Variants in SLC16A7 observed in about 807,000 individuals in gnomAD.
SLC16A7 encodes the protein solute carrier family 16 member 7.
In SLC16A7, 33 loss-of-function variants were observed where a neutral mutation model predicts 34.9. The ratio of observed to expected loss-of-function variants is 0.94; its 90% CI spans 0.72 to 1.26. SLC16A7 has a LOEUF of 1.26. Ranked by LOEUF, SLC16A7 falls within the 50% of genes most tolerant of loss-of-function variation. SLC16A7 has a pLI of 0.00. For synonymous variants in SLC16A7, 201 were observed against 206.6 expected (o/e 0.97, Z 0.23); for missense variants, 573 against 578.1 (o/e 0.99, Z 0.09).
At chr12:59,638,178 A>G (rs1219815721) in intron 1 of SLC16A7, among the ~76,000 whole-genome samples, 2 of 152,160 alleles carry the variant, frequency 1.3e-5, no homozygotes, top group African/African-American at 4.8e-5. Flanking sequence ...AATAGGCTGA[A>G]GGAGGAAAAC....
At chr12:59,637,167 C>T (rs1180369583) in intron 1 of SLC16A7, among the ~76,000 whole-genome samples, 2 of 152,074 alleles carry the variant, frequency 1.3e-5, no homozygotes, top group Non-Finnish European at 2.9e-5. Context: ...CCCTTCACTG[C>T]CCCTTTTGTG....
intron 3 of SLC16A7, among the ~76,000 whole-genome samples, chr12:59,728,080 G>T (rs1051646225): frequency 1.3e-5 from 2 of 152,172 alleles, no homozygotes; most frequent in African/African-American, 4.8e-5. Flanking sequence ...TGGAGAGGGT[G>T]CTATGAGTTG....
intron 3 of SLC16A7, among the ~76,000 whole-genome samples, chr12:59,753,894 A>G (rs1879928445): frequency 1.3e-5 from 2 of 152,220 alleles, no homozygotes; most frequent in Non-Finnish European, 2.9e-5. Flanking sequence ...ATCAGAAATT[A>G]TAACAACCTG....
chr12:59,621,831 C>T (rs189151020), intron 1 of SLC16A7, among the ~76,000 whole-genome samples: 12 of 151,660 alleles, frequency 7.9e-5, no homozygotes, highest in Admixed American at 5.9e-4. Flanking sequence ...CTGAGTAATA[C>T]TTATTCATGA....
In SLC16A7 at chr12:59,615,819, A is replaced by C. The variant is rs566596395; in HGVS notation, c.-130+19583A>C. ...TTCACTTTATTCATGAGAGATGTGA[A>C]TTTATCCTTACTAACTCCAAAGTGC... is the stretch of plus-strand genomic sequence containing the variant. On this transcript the variant is annotated intron_variant, in intron 1 of 5. Transcript: ENST00000547379. Among the ~76,000 whole-genome samples the C allele has an allele frequency of 7.9e-5, 12 of 152,312 alleles. No homozygotes were observed. In the South Asian group the frequency reaches 2.3e-3, roughly 29 times the overall value.
chr12:59,754,591 G>T (rs529034286), intron 3 of SLC16A7, among the ~76,000 whole-genome samples: 1 of 152,120 alleles, frequency 6.6e-6, no homozygotes, highest in Admixed American at 6.6e-5. Flanking sequence ...CCAATAACAG[G>T]CTCTGAAATT....
At chr12:59,613,952 G>A (rs368571378) in intron 1 of SLC16A7, among the ~76,000 whole-genome samples, 12 of 152,122 alleles carry the variant, frequency 7.9e-5, no homozygotes, top group African/African-American at 2.9e-4. Context: ...CAGTAACACT[G>A]TTAAAACCCT....
At chr12:59,692,099 T>C (rs1250873482) in intron 2 of SLC16A7, among the ~76,000 whole-genome samples, 1 of 152,008 alleles carries the variant, frequency 6.6e-6, no homozygotes, top group African/African-American at 2.4e-5. Flanking sequence ...CCATGCCTCT[T>C]CTAGCTTCTG....
chr12:59,678,913 G>A (rs1411200255), intron 2 of SLC16A7, among the ~76,000 whole-genome samples: 1 of 152,186 alleles, frequency 6.6e-6, no homozygotes, highest in Non-Finnish European at 1.5e-5. Flanking sequence ...AGCCCAGAGG[G>A]GCTGAGGTGA....
intron 3 of SLC16A7, among the ~76,000 whole-genome samples, chr12:59,728,951 G>C (rs915387532): frequency 6.6e-6 from 1 of 152,166 alleles, no homozygotes; most frequent in African/African-American, 2.4e-5. Context: ...GTCCTACCTA[G>C]ATACTTGTCT....
chr12:59,697,407 GTGTA>G (rs1229925730), intron 2 of SLC16A7, among the ~76,000 whole-genome samples: 4 of 152,146 alleles, frequency 2.6e-5, no homozygotes, highest in African/African-American at 9.6e-5. Flanking sequence ...GGGTGCACAT[GTGTA>G]TGTGAGTTTG....
intron 2 of SLC16A7, among the ~76,000 whole-genome samples, chr12:59,671,678 CTATA>C (rs368528646): frequency 4.9e-5 from 7 of 143,914 alleles, no homozygotes; most frequent in African/African-American, 1.0e-4. Flanking sequence ...CTCTCTCTCT[CTATA>C]TATATATATG....
At chr12:59,675,114 G>T (rs566698114) in intron 2 of SLC16A7, among the ~76,000 whole-genome samples, 146 of 152,306 alleles carry the variant, frequency 9.6e-4, no homozygotes, top group African/African-American at 3.4e-3. Flanking sequence ...TGATGACAAG[G>T]GTCCCAAGAC....
At chr12:59,647,015 T>C (rs531950577) in intron 1 of SLC16A7, among the ~76,000 whole-genome samples, 46 of 152,312 alleles carry the variant, frequency 3.0e-4, no homozygotes, top group African/African-American at 1.0e-3. Context: ...ATTAACATGC[T>C]TTTGATTTTA....
At chr12:59,631,156 T>G (rs746339752) in intron 1 of SLC16A7, among the ~76,000 whole-genome samples, 1 of 151,972 alleles carries the variant, frequency 6.6e-6, no homozygotes, top group African/African-American at 2.4e-5. Context: ...AGGTTCTTTC[T>G]CCAACTGTTA....
chr12:59,766,760 G>A (rs561511471), intron 3 of SLC16A7, among the ~76,000 whole-genome samples: 7,983 of 151,986 alleles, frequency 0.053, 671 homozygotes, highest in African/African-American at 0.18. Flanking sequence ...TTTTTGCATC[G>A]ATGTTCATCA....
At chr12:59,761,202 G>C (rs751121699) in intron 3 of SLC16A7, 6 of 1,232,014 alleles carry the variant, frequency 4.9e-6, no homozygotes, top group East Asian at 5.6e-5. Flanking sequence ...ATCATGCCTA[G>C]GTACATGAAA....
intron 3 of SLC16A7, among the ~76,000 whole-genome samples, chr12:59,766,173 T>C (rs1314802051): frequency 1.3e-5 from 2 of 152,212 alleles, no homozygotes; most frequent in Non-Finnish European, 2.9e-5. Context: ...TTTTTGCACA[T>C]TGATTTTGTA....
Position 59,641,837 on chromosome 12 carries a change from T to C in SLC16A7, c.-129-13315T>C, listed in dbSNP as rs188100982. 3.8e-3 allele frequency among the ~76,000 whole-genome samples: 584 copies of C among 152,116 alleles called. 2 individuals are homozygous for C. The highest frequency in any genetic ancestry group is 0.013 in the African/African-American group (557 of 41,528). The stretch of plus-strand genomic sequence containing the variant: ...GTCACTTTCTTTTTATAGAATGTCT[T>C]TGTGGCCCTTTCCTAGATGTCATTA... On this transcript the variant is annotated intron_variant, in intron 1 of 5. Coordinates refer to ENST00000547379, the MANE Select transcript of SLC16A7 (RefSeq NM_001270623.2).
Sources: gnomAD v4.1 joint callset for allele counts (sites outside exome capture counted in the v4.1 genomes callset) on GRCh38, gnomAD v4.1.1 for gene constraint, MANE v1.5 for transcripts, NCBI Gene and HGNC (gene_info 2026-07-23, HGNC 2026-07-21) for gene names.